Variants in UBXN8 observed in about 807,000 individuals in gnomAD.
UBXN8 encodes UBX domain protein 8, also known as UBX domain-containing protein 8.
In UBXN8, 27 loss-of-function variants were observed where a neutral mutation model predicts 32.1. The observed-to-expected ratio is 0.84, with a 90% confidence interval of 0.62 to 1.16. UBXN8 has a LOEUF of 1.16. Among genes scored for constraint, UBXN8 ranks in the 50% most tolerant of loss-of-function variants. The pLI is 0.00. For synonymous variants in UBXN8, 109 were observed against 111.8 expected, an observed-to-expected ratio of 0.98 and a Z score of 0.16; for missense variants, 306 against 311.4, an observed-to-expected ratio of 0.98 and a Z score of 0.13.
At chr8:30,754,850 A>T in intron 4 of UBXN8, 63 bp downstream of exon 4, 1 of 1,505,544 alleles carries the variant, frequency 6.6e-7, no homozygotes. Context: ...TACATGATTG[A>T]TTTTTAATTG....
intron 1 of UBXN8, chr8:30,733,958 T>C (rs1805022371): frequency 1.3e-5 from 2 of 152,248 alleles, no homozygotes; most frequent in South Asian, 2.1e-4. Context: ...CACAAAAACA[T>C]TGATCTCCCA....
Position 30,760,903 on chromosome 8 carries a change from G to A in UBXN8, c.544G>A (p.Glu182Lys). ...TTTTCTTTAGATTCCTGATTTACCTGAAGAACCTTCTCAAACAGCAGAAGA... is the reference window on the plus strand; with the variant it reads ...TTTTCTTTAGATTCCTGATTTACCTAAAGAACCTTCTCAAACAGCAGAAGA... ...PTCKEIPDLP[E>K]EPSQTAEEVV... Residue 182 changes from glutamate to lysine, a missense_variant, in exon 6 of 8, where the codon GAA (glutamate) becomes AAA (lysine). Glu to Lys is a moderately conservative substitution (Grantham distance 56). Coordinates refer to ENST00000265616, the MANE Select transcript of UBXN8 (RefSeq NM_005671.4). 6.5e-7 allele frequency: 1 copy of A among 1,536,936 alleles called. No individual in the cohort carries two copies. Among genetic ancestry groups the A allele is most frequent in the Non-Finnish European group, 8.8e-7 (1 of 1,140,864 alleles).
rs1447876311 is a variant in UBXN8 at position 30,747,847 on chromosome 8, C to T, written c.89-3549C>T. The stretch of plus-strand genomic sequence containing the variant: ...AGCAAGGTGGCTCATGCCTGTAATC[C>T]CAGCACTTTGGGAGGCCAAGTTTTC... On this transcript the variant is annotated intron_variant, in intron 1 of 7. Coordinates refer to ENST00000265616, the MANE Select transcript of UBXN8 (RefSeq NM_005671.4). Among the ~76,000 whole-genome samples the T allele has an allele frequency of 1.5e-5, 2 of 133,440 alleles. 1 individual carries two copies. The highest frequency in any genetic ancestry group is 1.5e-4 in the Admixed American group (2 of 13,068). The allele number at this position is 133,440 out of a possible 152,430, so 87.5% of individuals were successfully genotyped here.
At chr8:30,763,219 A>G (rs1805904669) in intron 6 of UBXN8, 54 bp from the exon 7 acceptor site, 6 of 1,556,146 alleles carry the variant, frequency 3.9e-6, no homozygotes, top group Non-Finnish European at 4.4e-6. Flanking sequence ...ATGGAATGAA[A>G]GGAATTGCAA....
chr8:30,752,160 G>T (rs978382340), intron 2 of UBXN8, among the ~76,000 whole-genome samples: 9 of 152,202 alleles, frequency 5.9e-5, no homozygotes, highest in Non-Finnish European at 1.2e-4. Flanking sequence ...GATGTGTTGG[G>T]ATCACAGGCA....
chr8:30,746,018 T>G, intron 1 of UBXN8, among the ~76,000 whole-genome samples: 1 of 152,214 alleles, frequency 6.6e-6, no homozygotes, highest in East Asian at 1.9e-4. Context: ...CCCAGAGTGC[T>G]GGGATTATAG....
At chr8:30,761,366 T>G (rs1437853667) in intron 6 of UBXN8, among the ~76,000 whole-genome samples, 1 of 151,990 alleles carries the variant, frequency 6.6e-6, no homozygotes, top group African/African-American at 2.4e-5. Context: ...TGCCTCAGCC[T>G]CCCAAGTAGC....
chr8:30,751,132 A>C (rs1805511187), intron 1 of UBXN8, among the ~76,000 whole-genome samples: 1 of 152,218 alleles, frequency 6.6e-6, no homozygotes, highest in South Asian at 2.1e-4. Flanking sequence ...TTATATGAAC[A>C]AAATCATAAG....
At chr8:30,733,329 A>G (rs950716518) in intron 1 of UBXN8, 5 of 152,240 alleles carry the variant, frequency 3.3e-5, no homozygotes, top group African/African-American at 9.6e-5. Flanking sequence ...AAACATTTAC[A>G]CTGACTCTTG....
intron 1 of UBXN8, among the ~76,000 whole-genome samples, chr8:30,748,102 T>C (rs1334061424): frequency 1.3e-5 from 2 of 151,036 alleles, no homozygotes; most frequent in Non-Finnish European, 2.9e-5. Context: ...TGTCAATACA[T>C]TTTACTTGTA....
At chr8:30,739,133 G>C (rs988059213) in intron 1 of UBXN8, among the ~76,000 whole-genome samples, 65 of 150,930 alleles carry the variant, frequency 4.3e-4, no homozygotes, top group African/African-American at 1.5e-3. Context: ...GGTGAGGGTA[G>C]AAAGTGAGGT....
intron 6 of UBXN8, chr8:30,763,042 A>AT (rs1444781116): frequency 9.9e-6 from 5 of 502,964 alleles, no homozygotes; most frequent in South Asian, 4.5e-5. Flanking sequence ...TAATTTTTCT[A>AT]TTTTTTATGG....
At position 30,755,660 on chromosome 8, in the gene UBXN8, G is replaced by A. The variant is rs867400337; in HGVS notation, c.405+873G>A. On this transcript the variant is annotated intron_variant, in intron 4 of 7. Transcript: ENST00000265616. ...AGTCTCAGCTACTTGGGAGGTTGAG[G>A]CAGGAGGATCACTTGAGCCCAGGAG... Among the ~76,000 whole-genome samples, 5 of 150,496 alleles carry A rather than the reference G, an allele frequency of 3.3e-5. No individual in the cohort carries two copies. In the South Asian group the frequency reaches 1.1e-3, roughly 32 times the overall value.
chr8:30,760,443 A>ATTTTTTTTTTTTTT (rs199634258), intron 5 of UBXN8, among the ~76,000 whole-genome samples: 26 of 91,092 alleles, frequency 2.9e-4, no homozygotes, highest in South Asian at 2.0e-3. Flanking sequence ...ATATATATAT[A>ATTTTTTTTTTTTTT]TTTTTTTTTT....
intron 3 of UBXN8, among the ~76,000 whole-genome samples, chr8:30,753,771 CTTT>C (rs748807226): frequency 8.2e-6 from 1 of 122,608 alleles, no homozygotes; most frequent in East Asian, 2.4e-4. Context: ...AGATATACCA[CTTT>C]TTTTTTTTTT....
At chr8:30,755,722 C>G (rs529371432) in intron 4 of UBXN8, among the ~76,000 whole-genome samples, 125 of 132,798 alleles carry the variant, frequency 9.4e-4, no homozygotes, top group African/African-American at 3.2e-3. Context: ...TGTACCACTG[C>G]ACTCTAGGCT....
At chr8:30,757,947 T>A (rs1203972355) in intron 5 of UBXN8, among the ~76,000 whole-genome samples, 1 of 151,470 alleles carries the variant, frequency 6.6e-6, no homozygotes, top group African/African-American at 2.4e-5. Context: ...AATACAGTGG[T>A]GAAATCTCAG....
upstream of UBXN8, among the ~76,000 whole-genome samples, chr8:30,730,347 G>A (rs1804922698): frequency 6.6e-6 from 1 of 152,200 alleles, no homozygotes; most frequent in East Asian, 1.9e-4. Context: ...GTCCTGTACT[G>A]AAAAGCCACA....
rs149560012 is a variant in UBXN8 at position 30,750,255 on chromosome 8, C to T, written c.89-1141C>T. On this transcript the variant is annotated intron_variant, in intron 1 of 7. Transcript: ENST00000265616. ...GGGAGGCCGAGGCGAGCAGATTGCC[C>T]GTGTTCAGGAGCTCAAGACCAGCCT... is the stretch of plus-strand genomic sequence containing the variant. Among the ~76,000 whole-genome samples the T allele has an allele frequency of 5.6e-3, 847 of 152,054 alleles. 2 individuals are homozygous for T. Among genetic ancestry groups the T allele is most frequent in the Middle Eastern group, 0.014 (4 of 294 alleles).
Sources: allele counts gnomAD v4.1 joint callset (sites outside exome capture counted in the v4.1 genomes callset), GRCh38; gene constraint gnomAD v4.1.1; transcripts MANE v1.5; gene names NCBI Gene and HGNC (gene_info 2026-07-23, HGNC 2026-07-21).